IL19: variants seen among roughly 807,000 people sequenced by gnomAD.
The protein encoded by IL19 is interleukin-19.
Under a neutral mutation model 19.5 loss-of-function variants are expected in IL19, and 15 were observed. The ratio of observed to expected loss-of-function variants is 0.77; its 90% confidence interval spans 0.52 to 1.19. The LOEUF is 1.19. Among genes scored for constraint, IL19 ranks in the 50% most tolerant of loss-of-function variants. The probability of loss-of-function intolerance (pLI) is 0.00; values close to 1 mark genes in which losing one functional copy is unlikely to be tolerated. For synonymous variants in IL19, 78 were observed against 78.3 expected, an observed-to-expected ratio of 1.00 and a Z score of 0.02; for missense variants, 199 against 213.1, an observed-to-expected ratio of 0.93 and a Z score of 0.41.
chr1:206,829,722 G>C (rs150064737), intron 2 of IL19, among the ~76,000 whole-genome samples: 2 of 152,262 alleles, frequency 1.3e-5, no homozygotes, highest in East Asian at 3.9e-4. Context: ...GAGAGGAATG[G>C]GGAGGCATCA....
chr1:206,797,201 A>G lies in IL19; in HGVS notation c.-148-1660A>G, dbSNP rs147451086. Among the ~76,000 whole-genome samples the G allele has an allele frequency of 4.0e-4, 61 of 152,260 alleles. No homozygotes were observed. The East Asian group carries it at 7.9e-3, about 20-fold the overall frequency. ...TGTCCGGGGTCATAGTGACACAATC[A>G]TTGCCAAACCTGTTCATTTCACCAG... On this transcript the variant is annotated intron_variant, in intron 1 of 6. Coordinates refer to ENST00000659997, the MANE Select transcript of IL19 (RefSeq NM_153758.5).
intron 1 of IL19, among the ~76,000 whole-genome samples, chr1:206,781,424 A>AG (rs1675125534): frequency 6.6e-6 from 1 of 150,438 alleles, no homozygotes; most frequent in East Asian, 1.9e-4. Context: ...CAAAAAAAAA[A>AG]AAAAAAAAAA....
chr1:206,806,485 T>C (rs1262433448), intron 2 of IL19, among the ~76,000 whole-genome samples: 1 of 152,166 alleles, frequency 6.6e-6, no homozygotes, highest in Admixed American at 6.5e-5. Context: ...TAACTCTAAA[T>C]GTGAGAAGAC....
intron 1 of IL19, among the ~76,000 whole-genome samples, chr1:206,784,796 T>G (rs562729505): frequency 1.3e-5 from 2 of 152,374 alleles, no homozygotes; most frequent in African/African-American, 4.8e-5. Flanking sequence ...GAAAGAACTT[T>G]GCGTTCTCAA....
intron 1 of IL19, among the ~76,000 whole-genome samples, chr1:206,785,810 A>G (rs928614194): frequency 6.6e-6 from 1 of 152,228 alleles, no homozygotes; most frequent in African/African-American, 2.4e-5. Flanking sequence ...TTTATAGTGT[A>G]ACCCCTGCTT....
At chr1:206,831,399 C>T (rs1203409222) in intron 2 of IL19, among the ~76,000 whole-genome samples, 1 of 152,104 alleles carries the variant, frequency 6.6e-6, no homozygotes, top group African/African-American at 2.4e-5. Flanking sequence ...GCAGATGCAA[C>T]CTTGTGTCTG....
intron 1 of IL19, among the ~76,000 whole-genome samples, chr1:206,771,732 G>A (rs536659494): frequency 6.6e-6 from 1 of 152,162 alleles, no homozygotes; most frequent in Non-Finnish European, 1.5e-5. Flanking sequence ...TCAACCCTTC[G>A]GGGCCTTGAG....
At chr1:206,786,157 A>G (rs1675265226) in intron 1 of IL19, among the ~76,000 whole-genome samples, 1 of 152,194 alleles carries the variant, frequency 6.6e-6, no homozygotes, top group South Asian at 2.1e-4. Context: ...TGTAAGATGG[A>G]AAACATAATG....
intron 2 of IL19, among the ~76,000 whole-genome samples, chr1:206,835,844 C>T (rs1014529590): frequency 4.6e-5 from 7 of 152,210 alleles, no homozygotes; most frequent in East Asian, 1.9e-4. Flanking sequence ...TTTCTCTGTG[C>T]GCATTATGTG....
intron 1 of IL19, among the ~76,000 whole-genome samples, chr1:206,782,884 G>A (rs1243973216): frequency 6.6e-6 from 1 of 151,990 alleles, no homozygotes; most frequent in Non-Finnish European, 1.5e-5. Flanking sequence ...TAATTCTAAG[G>A]GGCATTAAAA....
At chr1:206,810,887 T>C (rs554343355) in intron 2 of IL19, among the ~76,000 whole-genome samples, 1 of 152,278 alleles carries the variant, frequency 6.6e-6, no homozygotes, top group Non-Finnish European at 1.5e-5. Flanking sequence ...TGAGAGCTAG[T>C]TGTTTAAAAG....
chr1:206,803,757 C>A (rs560748392), intron 2 of IL19, among the ~76,000 whole-genome samples: 1 of 152,136 alleles, frequency 6.6e-6, no homozygotes, highest in African/African-American at 2.4e-5. Context: ...TAGTCCAGAG[C>A]CCTCTAATAA....
chr1:206,830,724 A>T (rs7518426), intron 2 of IL19, among the ~76,000 whole-genome samples: 1 of 151,992 alleles, frequency 6.6e-6, no homozygotes, highest in Admixed American at 6.5e-5. Context: ...AATTACAGGT[A>T]CTGCCACCAC....
At chr1:206,813,235 TA>T (rs1200599578) in intron 2 of IL19, among the ~76,000 whole-genome samples, 1 of 152,230 alleles carries the variant, frequency 6.6e-6, no homozygotes, top group Non-Finnish European at 1.5e-5. Flanking sequence ...GCTCTGCCAA[TA>T]GGGGCACTAG....
chr1:206,780,352 G>A (rs977441137), intron 1 of IL19, among the ~76,000 whole-genome samples: 4 of 152,192 alleles, frequency 2.6e-5, no homozygotes, highest in African/African-American at 9.7e-5. Flanking sequence ...CTAAATATTT[G>A]TTGGCTGACT....
At chr1:206,778,848 C>T (rs1675068127) in intron 1 of IL19, among the ~76,000 whole-genome samples, 2 of 152,178 alleles carry the variant, frequency 1.3e-5, no homozygotes, top group African/African-American at 4.8e-5. Flanking sequence ...AATCTATCAC[C>T]AGAACCTCCA....
intron 2 of IL19, among the ~76,000 whole-genome samples, chr1:206,806,165 C>G (rs897350395): frequency 6.6e-6 from 1 of 152,152 alleles, no homozygotes; most frequent in Admixed American, 6.5e-5. Flanking sequence ...AATTGAGAAG[C>G]GTTGTTGCCT....
intron 1 of IL19, among the ~76,000 whole-genome samples, chr1:206,776,797 G>A (rs1410484327): frequency 1.3e-5 from 2 of 151,264 alleles, no homozygotes; most frequent in South Asian, 2.1e-4. Flanking sequence ...ACAGCGGGAG[G>A]GACAATGATC....
chr1:206,840,949 G>C, intron 5 of IL19, 55 bp from the exon 6 acceptor site: 1 of 1,428,696 alleles, frequency 7.0e-7, no homozygotes, highest in South Asian at 1.1e-5. Flanking sequence ...GCAGGAGTAA[G>C]AGAGGGCCAG....
Sources: gnomAD v4.1 joint callset for allele counts (sites outside exome capture counted in the v4.1 genomes callset) on GRCh38, gnomAD v4.1.1 for gene constraint, MANE v1.5 for transcripts, NCBI Gene and HGNC (gene_info 2026-07-23, HGNC 2026-07-21) for gene names.